The following ITGBL1 variants were observed in gnomAD, a reference collection of about 807,000 sequenced individuals.
ITGBL1 encodes the protein integrin beta-like protein 1.
Under a neutral mutation model 68.5 loss-of-function variants are expected in ITGBL1, and 51 were observed. The ratio of observed to expected loss-of-function variants is 0.74; its 90% confidence interval spans 0.59 to 0.94. The LOEUF is 0.94. Among genes scored for constraint, ITGBL1 ranks in the 40% least tolerant of loss-of-function variants. ITGBL1 has a pLI of 0.00. For synonymous variants in ITGBL1, 209 were observed against 227.3 expected (o/e 0.92, Z 0.72); for missense variants, 649 against 647.4 (o/e 1.00, Z -0.03).
At chr13:101,609,368 T>C (rs553911460) in intron 7 of ITGBL1, among the ~76,000 whole-genome samples, 102 of 152,228 alleles carry the variant, frequency 6.7e-4, no homozygotes, top group African/African-American at 2.3e-3. Context: ...CTCATAGAGA[T>C]AGCCAAAGGT....
At chr13:101,686,842 C>T (rs186366153) in intron 7 of ITGBL1, among the ~76,000 whole-genome samples, 47 of 151,954 alleles carry the variant, frequency 3.1e-4, no homozygotes, top group Non-Finnish European at 5.9e-4. Flanking sequence ...ATATTCAATA[C>T]ACAAAATGCT....
At chr13:101,493,970 C>T (rs1201649392) in intron 2 of ITGBL1, among the ~76,000 whole-genome samples, 2 of 152,168 alleles carry the variant, frequency 1.3e-5, no homozygotes, top group Non-Finnish European at 2.9e-5. Flanking sequence ...TTGTACTTAA[C>T]CCAAGATCAC....
At chr13:101,711,976 T>C (rs1197194529) in intron 9 of ITGBL1, 1 of 152,200 alleles carries the variant, frequency 6.6e-6, no homozygotes, top group African/African-American at 2.4e-5. Flanking sequence ...TCTCACCTCT[T>C]GATAGTCATG....
chr13:101,489,868 T>C (rs1454623794), intron 2 of ITGBL1: 8 of 788,196 alleles, frequency 1.0e-5, no homozygotes, highest in Admixed American at 2.4e-5. Context: ...TGGTGAAAAA[T>C]AGAAACCAGT....
intron 7 of ITGBL1, among the ~76,000 whole-genome samples, chr13:101,638,399 T>C (rs1018157635): frequency 6.6e-6 from 1 of 151,130 alleles, no homozygotes; most frequent in Non-Finnish European, 1.5e-5. Context: ...TTGGCACATG[T>C]TAGGCTTTCA....
chr13:101,604,787 G>C (rs2030589174), intron 7 of ITGBL1, among the ~76,000 whole-genome samples: 1 of 138,698 alleles, frequency 7.2e-6, no homozygotes, highest in Non-Finnish European at 1.6e-5. Context: ...CACCTCACCA[G>C]CTGGAAAAAA....
intron 7 of ITGBL1, among the ~76,000 whole-genome samples, chr13:101,628,250 A>G (rs564549967): frequency 1.3e-5 from 2 of 152,278 alleles, no homozygotes; most frequent in African/African-American, 2.4e-5. Flanking sequence ...GTTTTCTTTA[A>G]TAAGGCATCT....
At chr13:101,526,446 A>G (rs9582502) in intron 2 of ITGBL1, among the ~76,000 whole-genome samples, 22,173 of 151,980 alleles carry the variant, frequency 0.15, 1,792 homozygotes, top group African/African-American at 0.2. Flanking sequence ...ATGCCCATCA[A>G]TGATAGACTG....
intron 7 of ITGBL1, among the ~76,000 whole-genome samples, chr13:101,609,712 T>C (rs1191251292): frequency 6.6e-6 from 1 of 152,126 alleles, no homozygotes; most frequent in Non-Finnish European, 1.5e-5. Context: ...TGTTTATTTT[T>C]AAGAGATGGT....
intron 5 of ITGBL1, among the ~76,000 whole-genome samples, chr13:101,580,810 A>G (rs967781894): frequency 6.6e-6 from 1 of 152,192 alleles, no homozygotes; most frequent in Non-Finnish European, 1.5e-5. Flanking sequence ...GTTCTGCAGC[A>G]GAGTTACATT....
At chr13:101,686,171 G>T (rs968457315) in intron 7 of ITGBL1, among the ~76,000 whole-genome samples, 3 of 151,912 alleles carry the variant, frequency 2.0e-5, no homozygotes, top group African/African-American at 7.3e-5. Flanking sequence ...TCTATGTTTT[G>T]CCCGGTTCCT....
Position 101,583,333 on chromosome 13 carries a change from G to T in ITGBL1, c.845G>T (p.Arg282Leu). The change falls in exon 6 of 11, where the codon CGA becomes CTA. Residue 282 changes from arginine to leucine, a missense_variant. Transcript: ENST00000376180. ...DERDCRAVYD[R>L]YSDDFCSGHG... ...AGGGACTGTAGAGCTGTCTATGACC[G>T]ATATTCTGATGACTTCTGTTCAGGT... 6.3e-7 allele frequency: 1 copy of T among 1,591,222 alleles called. No homozygotes were observed. Among genetic ancestry groups the T allele is most frequent in the Non-Finnish European group, 8.5e-7 (1 of 1,169,616 alleles).
chr13:101,667,282 T>C (rs1408515458), intron 7 of ITGBL1, among the ~76,000 whole-genome samples: 2 of 152,218 alleles, frequency 1.3e-5, no homozygotes, highest in Non-Finnish European at 2.9e-5. Context: ...TATAGTCTTT[T>C]AAGTTTCCTA....
At chr13:101,595,383 G>T (rs2029899551) in intron 6 of ITGBL1, among the ~76,000 whole-genome samples, 1 of 152,120 alleles carries the variant, frequency 6.6e-6, no homozygotes, top group Non-Finnish European at 1.5e-5. Flanking sequence ...TTAGGGATCT[G>T]CCCCCATAGT....
chr13:101,658,266 CCTAA>C (rs1370182696), intron 7 of ITGBL1, among the ~76,000 whole-genome samples: 6 of 152,030 alleles, frequency 3.9e-5, no homozygotes, highest in African/African-American at 1.4e-4. Context: ...TCAAATTGTT[CCTAA>C]CTAAAATATT....
chr13:101,500,309 G>A (rs1213521006), intron 2 of ITGBL1, among the ~76,000 whole-genome samples: 4 of 152,156 alleles, frequency 2.6e-5, no homozygotes, highest in South Asian at 4.1e-4. Context: ...GTTTAATGTA[G>A]TGAAATTCCT....
chr13:101,581,631 G>A (rs1210534463), intron 5 of ITGBL1, among the ~76,000 whole-genome samples: 1 of 152,120 alleles, frequency 6.6e-6, no homozygotes, highest in Admixed American at 6.5e-5. Flanking sequence ...ATTACTTAGT[G>A]ATTGCTAGGT....
intron 3 of ITGBL1, among the ~76,000 whole-genome samples, chr13:101,571,964 G>T (rs1420579548): frequency 1.3e-5 from 2 of 152,110 alleles, no homozygotes; most frequent in African/African-American, 2.4e-5. Context: ...TGCACAGAAT[G>T]ATCTAGTGCA....
chr13:101,670,579 A>G (rs2033333978), intron 7 of ITGBL1, among the ~76,000 whole-genome samples: 1 of 152,196 alleles, frequency 6.6e-6, no homozygotes, highest in African/African-American at 2.4e-5. Context: ...GTGAATAATT[A>G]TTATTTCATG....
Sources: gnomAD v4.1 joint callset for allele counts (sites outside exome capture counted in the v4.1 genomes callset) on GRCh38, gnomAD v4.1.1 for gene constraint, MANE v1.5 for transcripts, NCBI Gene and HGNC (gene_info 2026-07-23, HGNC 2026-07-21) for gene names.